NUP133: variants seen among roughly 807,000 people sequenced by gnomAD.
NUP133 encodes the protein nuclear pore complex protein Nup133.
In NUP133, 66 loss-of-function variants were observed where a neutral mutation model predicts 146.2. The ratio of observed to expected loss-of-function variants is 0.45; its 90% CI spans 0.37 to 0.55. The LOEUF is 0.55. NUP133 is among the 20% of genes least tolerant of loss of function. The pLI is 0.00. For missense variants in NUP133, 1,277 were observed against 1,374.8 expected (o/e 0.93, Z 1.12); for synonymous variants, 521 against 498.8 (o/e 1.04, Z -0.59).
intron 8 of NUP133, among the ~76,000 whole-genome samples, chr1:229,494,620 T>C (rs1661606211): frequency 6.6e-6 from 1 of 152,238 alleles, no homozygotes; most frequent in Non-Finnish European, 1.5e-5. Context: ...TAACATGGGA[T>C]AATTAGCTTT....
chr1:229,477,842 ACTATTCAGCC>A, intron 12 of NUP133, 82 bp from the exon 13 acceptor site: 1 of 1,024,258 alleles, frequency 9.8e-7, no homozygotes. Context: ...ATTATGGACT[ACTATTCAGCC>A]AAAAAAAAGA....
At chr1:229,498,726 A>G (rs1416513796) in intron 5 of NUP133, among the ~76,000 whole-genome samples, 1 of 151,636 alleles carries the variant, frequency 6.6e-6, no homozygotes, top group Non-Finnish European at 1.5e-5. Flanking sequence ...ACTGCAATCC[A>G]GCCTGGGTGA....
intron 5 of NUP133, 110 bp downstream of exon 5, chr1:229,499,574 G>A (rs774327803): frequency 8.5e-7 from 1 of 1,174,676 alleles, no homozygotes; most frequent in Non-Finnish European, 1.2e-6. Context: ...TTTGAGAATT[G>A]CCTGGGCAAC....
At chr1:229,499,570 A>T (rs1477356549) in intron 5 of NUP133, 114 bp downstream of exon 5, 2 of 1,148,456 alleles carry the variant, frequency 1.7e-6, no homozygotes, top group African/African-American at 1.6e-5. Context: ...GGAGTTTGAG[A>T]ATTGCCTGGG....
chr1:229,458,543 T>C (rs1423720431), intron 20 of NUP133, among the ~76,000 whole-genome samples: 2 of 152,162 alleles, frequency 1.3e-5, no homozygotes, highest in African/African-American at 4.8e-5. Flanking sequence ...AACTTACATA[T>C]TCACCTGAAC....
chr1:229,487,341 G>T, intron 10 of NUP133, 125 bp downstream of exon 10: 1 of 909,406 alleles, frequency 1.1e-6, no homozygotes, highest in Non-Finnish European at 1.7e-6. Context: ...CTGTAGTTGT[G>T]GTATGAAATG....
Position 229,472,707 on chromosome 1 carries a change from C to CATATATAT in NUP133, c.1852-1911_1852-1904dup, listed in dbSNP as rs372362492. 1.6e-3 allele frequency among the ~76,000 whole-genome samples: 199 copies of CATATATAT among 124,284 alleles called. 9 individuals carry two copies. Among genetic ancestry groups the CATATATAT allele is most frequent in the African/African-American group, 5.1e-3 (163 of 31,960 alleles). 81.5% of individuals were successfully genotyped at this position (124,284 alleles called of 152,430 possible). On this transcript the variant is annotated intron_variant, in intron 14 of 25. Transcript: ENST00000261396. ...CAAAAAAATTAAAAAACTAAATATACATATATATATATATATATATGTACA... is the reference window on the plus strand; with the variant it reads ...CAAAAAAATTAAAAAACTAAATATACATATATATATATATATATATATATATATGTACA...
chr1:229,499,643 C>T, intron 5 of NUP133, 41 bp downstream of exon 5: 1 of 1,563,712 alleles, frequency 6.4e-7, no homozygotes, highest in South Asian at 1.2e-5. Context: ...CAAGCCAAAT[C>T]ACAGCTTTCC....
chr1:229,491,248 TAA>T (rs1558105429), intron 8 of NUP133, among the ~76,000 whole-genome samples: 1 of 152,240 alleles, frequency 6.6e-6, no homozygotes, highest in Non-Finnish European at 1.5e-5. Context: ...CGCCAAAGCC[TAA>T]AACAGTTACT....
rs1401368275 is a variant in NUP133 at position 229,470,685 on chromosome 1, G to A, written c.1971C>T (p.His657=). Residue 657 remains histidine (H), a synonymous_variant, in exon 15 of 26, where the codon CAC becomes CAT. Transcript: ENST00000261396. ...LSAAIVLKNH[H]SRLSDLVNTA... is the part of the protein sequence containing the mutation. The stretch of plus-strand genomic sequence containing the variant: ...TGTTGACAAGGTCAGAAAGCCGGGA[G>A]TGGTGGTTCTTGAGAACAATGGCGG... The A allele has an allele frequency of 2.5e-6, 4 of 1,614,078 alleles. No homozygotes were observed. In the Admixed American group the frequency reaches 5.0e-5, roughly 20 times the overall value.
At position 229,487,615 on chromosome 1, in the gene NUP133, T is replaced by G; in HGVS notation, c.1195-2A>C. The stretch of plus-strand genomic sequence containing the variant: ...CTGACACAAAATCAGGTCTTCAGAC[T>G]GAAAGTTAAATTTAAGATTACATTT... On this transcript the variant is annotated splice_acceptor_variant, in intron 9 of 25. Transcript: ENST00000261396. LOFTEE classifies it high-confidence loss of function. 1 of 1,587,804 alleles carries G rather than the reference T, an allele frequency of 6.3e-7. No individual in the cohort carries two copies. Among genetic ancestry groups the G allele is most frequent in the Non-Finnish European group, 8.5e-7 (1 of 1,172,016 alleles).
chr1:229,506,316 AAAAAC>A (rs1305340169), intron 1 of NUP133, among the ~76,000 whole-genome samples, 158 bp from the exon 2 acceptor site: 2 of 152,252 alleles, frequency 1.3e-5, no homozygotes, highest in African/African-American at 2.4e-5. Context: ...CATGTAAAAA[AAAAAC>A]AAAACAGGAT....
intron 11 of NUP133, among the ~76,000 whole-genome samples, chr1:229,485,570 A>G (rs1462579854): frequency 6.6e-6 from 1 of 152,242 alleles, no homozygotes; most frequent in Admixed American, 6.5e-5. Context: ...TTACATTGTC[A>G]TTACAATGAA....
chr1:229,443,894 CTTTT>C (rs746631129), intron 25 of NUP133, among the ~76,000 whole-genome samples: 50 of 114,874 alleles, frequency 4.4e-4, no homozygotes, highest in African/African-American at 1.6e-3. Flanking sequence ...GTGCTCAACT[CTTTT>C]TTTTTTTTTT....
At chr1:229,459,883 C>T (rs376862808) in intron 20 of NUP133, among the ~76,000 whole-genome samples, 2 of 152,134 alleles carry the variant, frequency 1.3e-5, no homozygotes, top group Non-Finnish European at 2.9e-5. Flanking sequence ...TACTCACAAG[C>T]GGGATTGCCA....
intron 11 of NUP133, among the ~76,000 whole-genome samples, chr1:229,484,360 A>T (rs1381198603): frequency 6.6e-6 from 1 of 152,104 alleles, no homozygotes; most frequent in Non-Finnish European, 1.5e-5. Flanking sequence ...CATTAATGAT[A>T]GCTGATGAGT....
At chr1:229,505,396 G>T (rs1395836839) in intron 2 of NUP133, among the ~76,000 whole-genome samples, 1 of 151,606 alleles carries the variant, frequency 6.6e-6, no homozygotes, top group Admixed American at 6.6e-5. Context: ...TATATATAAG[G>T]TTTAGTACTA....
rs759116442 is a variant in NUP133 at position 229,502,170 on chromosome 1, A to G, written c.302-68T>C. On this transcript the variant is annotated intron_variant, in intron 2 of 25. Transcript: ENST00000261396. ...ATCTTTATTACCACACGCTTTATCA[A>G]AAAAAAGTAATTGGCACACTCAGAA... The G allele has an allele frequency of 5.2e-4, 618 of 1,193,532 alleles. 1 individual carries two copies. The highest frequency in any genetic ancestry group is 6.7e-4 in the Non-Finnish European group (550 of 815,672). The allele number at this position is 1,193,532 out of a possible 1,614,324, so 73.9% of individuals were successfully genotyped here. A position where few individuals can be genotyped will look rare whatever the true frequency, so the allele number is the denominator to read the frequency against.
At chr1:229,465,655 C>G (rs1008297267) in intron 16 of NUP133, 136 bp from the exon 17 acceptor site, 8 of 691,278 alleles carry the variant, frequency 1.2e-5, no homozygotes, top group Non-Finnish European at 1.8e-5. Context: ...CACCTGTAAT[C>G]CCAGTGCTTT....
Sources: allele counts gnomAD v4.1 joint callset (sites outside exome capture counted in the v4.1 genomes callset), GRCh38; gene constraint gnomAD v4.1.1; transcripts MANE v1.5; gene names NCBI Gene and HGNC (gene_info 2026-07-23, HGNC 2026-07-21).